Variants in SLTM observed in about 807,000 individuals in gnomAD.
SLTM encodes SAFB-like transcription modulator.
In SLTM, 43 loss-of-function variants were observed where a neutral mutation model predicts 134.6. The observed-to-expected ratio is 0.32, with a 90% CI of 0.25 to 0.41. SLTM has a LOEUF of 0.41. Among genes scored for constraint, SLTM ranks in the 10% least tolerant of loss-of-function variants. The probability of loss-of-function intolerance (pLI) is 1.00; values close to 1 mark genes in which losing one functional copy is unlikely to be tolerated. For missense variants in SLTM, 1,055 were observed against 1,288.8 expected, an observed-to-expected ratio of 0.82 and a Z score of 2.78; for synonymous variants, 424 against 432.3, an observed-to-expected ratio of 0.98 and a Z score of 0.24.
At chr15:58,884,927 G>T (rs186154669) in intron 19 of SLTM, among the ~76,000 whole-genome samples, 29 of 152,250 alleles carry the variant, frequency 1.9e-4, no homozygotes, top group African/African-American at 5.3e-4. Flanking sequence ...GAGCCACCAG[G>T]CCTGGCCATT....
intron 5 of SLTM, among the ~76,000 whole-genome samples, chr15:58,905,257 G>A (rs1595885442): frequency 1.3e-5 from 2 of 152,328 alleles, no homozygotes; most frequent in South Asian, 2.1e-4. Context: ...TGGAATGGTA[G>A]ACAGAGACAG....
intron 5 of SLTM, among the ~76,000 whole-genome samples, chr15:58,902,550 G>A (rs563853797): frequency 3.9e-4 from 59 of 150,942 alleles, no homozygotes; most frequent in Non-Finnish European, 7.5e-4. Flanking sequence ...CATGTCCAGC[G>A]AATTTTTTTT....
chr15:58,905,470 A>T (rs35477914), intron 5 of SLTM, among the ~76,000 whole-genome samples: 30,094 of 152,142 alleles, frequency 0.2, 3,296 homozygotes, highest in South Asian at 0.44. Context: ...TAGGAGGCTG[A>T]GGCAGGAGGT....
intron 16 of SLTM, among the ~76,000 whole-genome samples, chr15:58,888,914 T>C (rs1567108984): frequency 6.6e-6 from 1 of 152,232 alleles, no homozygotes; most frequent in Non-Finnish European, 1.5e-5. Context: ...ACCTCTTCAG[T>C]TATCCTTAAC....
chr15:58,928,183 CTT>C (rs1428791319), intron 2 of SLTM, among the ~76,000 whole-genome samples: 3 of 152,294 alleles, frequency 2.0e-5, no homozygotes, highest in Admixed American at 1.3e-4. Flanking sequence ...AACCACATCA[CTT>C]TTGCTGAAGT....
At chr15:58,924,631 G>T (rs1036796044) in intron 2 of SLTM, among the ~76,000 whole-genome samples, 2 of 152,166 alleles carry the variant, frequency 1.3e-5, no homozygotes, top group Admixed American at 1.3e-4. Context: ...TCAGTTTTCA[G>T]AACTTTTTGT....
chr15:58,926,607 G>C (rs974291696), intron 2 of SLTM, among the ~76,000 whole-genome samples: 1 of 151,066 alleles, frequency 6.6e-6, no homozygotes, highest in Non-Finnish European at 1.5e-5. Context: ...TACTTTTCTG[G>C]ATTACCTTTT....
At chr15:58,900,108 C>T (rs1302022116) in intron 6 of SLTM, among the ~76,000 whole-genome samples, 171 bp from the exon 7 acceptor site, 1 of 151,370 alleles carries the variant, frequency 6.6e-6, no homozygotes, top group African/African-American at 2.4e-5. Context: ...CATCCTTTAC[C>T]CAGGATCACT....
At chr15:58,931,352 C>T (rs1175482590) in intron 2 of SLTM, among the ~76,000 whole-genome samples, 1 of 152,228 alleles carries the variant, frequency 6.6e-6, no homozygotes, top group Non-Finnish European at 1.5e-5. Flanking sequence ...GAGTTGTCCT[C>T]ATCTCTGATA....
chr15:58,923,734 C>G (rs1173274721), intron 2 of SLTM, among the ~76,000 whole-genome samples: 1 of 149,388 alleles, frequency 6.7e-6, no homozygotes, highest in Non-Finnish European at 1.5e-5. Flanking sequence ...TGCCGCAAAA[C>G]TGTGAAAGTG....
chr15:58,907,155 T>A (rs2035919094), intron 5 of SLTM, among the ~76,000 whole-genome samples: 2 of 152,164 alleles, frequency 1.3e-5, no homozygotes, highest in Non-Finnish European at 2.9e-5. Flanking sequence ...GAAAGCTTTG[T>A]GGAGGAGATA....
chr15:58,933,270 C>T (rs1198545086), intron 1 of SLTM, 134 bp downstream of exon 1: 1 of 947,142 alleles, frequency 1.1e-6, no homozygotes, highest in African/African-American at 1.7e-5. Context: ...GCGGGAGCCG[C>T]CCCTGGCCTC....
intron 2 of SLTM, among the ~76,000 whole-genome samples, chr15:58,925,163 G>C (rs574560859): frequency 2.1e-4 from 32 of 151,684 alleles, no homozygotes; most frequent in African/African-American, 2.7e-4. Flanking sequence ...AATGTTTCCA[G>C]CAACAACCTC....
Position 58,899,992 on chromosome 15 carries a change from A to C in SLTM, c.590-55T>G. The C allele has an allele frequency of 1.4e-6, 2 of 1,392,094 alleles. No individual in the cohort carries two copies. Among genetic ancestry groups the C allele is most frequent in the Non-Finnish European group, 2.0e-6 (2 of 1,011,622 alleles). The allele number at this position is 1,392,094 out of a possible 1,614,324, so 86.2% of individuals were successfully genotyped here. A position where few individuals can be genotyped will look rare whatever the true frequency, so the allele number is the denominator to read the frequency against. The stretch of plus-strand genomic sequence containing the variant: ...CAAAACAAGAAGTTTAAACAATTTC[A>C]TATTCATAAGCTAGAATAGGACCTA... On this transcript the variant is annotated intron_variant, in intron 6 of 20. Transcript: ENST00000380516. This position sits in a 1 kb window ranked among gnomAD's most constrained non-coding sequence, Gnocchi z 5.0.
chr15:58,880,319 G>C (rs556128251), intron 20 of SLTM, among the ~76,000 whole-genome samples: 37 of 152,154 alleles, frequency 2.4e-4, no homozygotes, highest in Non-Finnish European at 4.7e-4. Flanking sequence ...TAATAAAATG[G>C]TGAAGCAGAG....
chr15:58,928,636 T>C (rs1234128031), intron 2 of SLTM, among the ~76,000 whole-genome samples: 6 of 151,186 alleles, frequency 4.0e-5, no homozygotes, highest in African/African-American at 1.5e-4. Context: ...CATTTTAACA[T>C]ACATTTTTAA....
rs568728451 is a variant in SLTM at position 58,913,780 on chromosome 15, T to C, written c.316-84A>G. On this transcript the variant is annotated intron_variant, in intron 3 of 20. Transcript: ENST00000380516. ...AAACGTTTTTGGTAATTTACACCTT[T>C]AAATGTGTCAAATTTGATCATATTT... is the stretch of plus-strand genomic sequence containing the variant. The C allele has an allele frequency of 1.8e-4, 170 of 933,782 alleles. No homozygotes were observed. In the African/African-American group the frequency reaches 2.5e-3, roughly 14 times the overall value. The allele number at this position is 933,782 out of a possible 1,614,324, so 57.8% of individuals were successfully genotyped here. A position where few individuals can be genotyped will look rare whatever the true frequency, so the allele number is the denominator to read the frequency against.
chr15:58,928,669 T>C (rs1283197335), intron 2 of SLTM, among the ~76,000 whole-genome samples: 3 of 152,182 alleles, frequency 2.0e-5, no homozygotes, highest in African/African-American at 7.2e-5. Flanking sequence ...CTATAGTTAT[T>C]TTATAAAAGA....
chr15:58,933,654 C>T lies in SLTM; in HGVS notation c.-89G>A. 3 of 1,370,484 alleles carry T rather than the reference C, an allele frequency of 2.2e-6. No homozygotes were observed. Among genetic ancestry groups the T allele is most frequent in the Non-Finnish European group, 1.9e-6 (2 of 1,066,780 alleles). 84.9% of individuals were successfully genotyped at this position (1,370,484 alleles called of 1,614,324 possible). A position where few individuals can be genotyped will look rare whatever the true frequency, so the allele number is the denominator to read the frequency against. On this transcript the variant is annotated 5_prime_UTR_variant, in exon 1 of 21. Coordinates refer to ENST00000380516, the MANE Select transcript of SLTM (RefSeq NM_024755.4). ...CTTCCACCCAGGCCTCGGCGGCCGC[C>T]GGCGCCGCGCAGCGCTGCGCACAAT...
Sources: gnomAD v4.1 joint callset for allele counts (sites outside exome capture counted in the v4.1 genomes callset) on GRCh38, gnomAD v4.1.1 for gene constraint, Gnocchi (gnomAD v3.1) non-coding constraint, MANE v1.5 for transcripts, NCBI Gene and HGNC (gene_info 2026-07-23, HGNC 2026-07-21) for gene names.